CAPN2: variants seen among roughly 807,000 people sequenced by gnomAD.
CAPN2 encodes calpain 2.
In CAPN2, 92 loss-of-function variants were observed where a neutral mutation model predicts 102.3. That is an observed-to-expected ratio of 0.90 (90% CI 0.76 to 1.07). The LOEUF (loss-of-function observed/expected upper bound fraction) is 1.07. CAPN2 is among the 50% of genes least tolerant of loss of function. The pLI is 0.00. For missense variants in CAPN2, 800 were observed against 909.4 expected (o/e 0.88, Z 1.55); for synonymous variants, 340 against 355.4 (o/e 0.96, Z 0.49).
At position 223,754,839 on chromosome 1, in the gene CAPN2, G is replaced by T. The variant is rs1374608174; in HGVS notation, c.1136-641G>T. On this transcript the variant is annotated intron_variant, in intron 9 of 20. Coordinates refer to ENST00000295006, the MANE Select transcript of CAPN2 (RefSeq NM_001748.5). The surrounding 1 kb of genome is among the most constrained non-coding windows in gnomAD (Gnocchi z 4.7). ...GGGCGGCGACCGGCAAGTGCAGGGA[G>T]CAGATCCCGGAGTCCCCCAGGCCAG... is the stretch of plus-strand genomic sequence containing the variant. Among the ~76,000 whole-genome samples the T allele has an allele frequency of 6.6e-6, 1 of 152,062 alleles. No homozygotes were observed. The highest frequency in any genetic ancestry group is 2.4e-5 in the African/African-American group (1 of 41,392).
upstream of CAPN2, among the ~76,000 whole-genome samples, chr1:223,710,665 A>C (rs1659707703): frequency 6.6e-6 from 1 of 152,204 alleles, no homozygotes; most frequent in South Asian, 2.1e-4. Flanking sequence ...TAAAAGCTTC[A>C]TCTATGTGAT....
chr1:223,757,136 A>T (rs1270248748), intron 10 of CAPN2, among the ~76,000 whole-genome samples: 1 of 152,154 alleles, frequency 6.6e-6, no homozygotes, highest in East Asian at 1.9e-4. Flanking sequence ...TCACATCTCC[A>T]TGCCTGAGAT....
rs34048635 is a variant in CAPN2, at chr1:223,707,242, C to CTG, written c.3+5412_3+5413insGT. Among the ~76,000 whole-genome samples, 24 of 151,520 alleles carry CTG rather than the reference C, an allele frequency of 1.6e-4. No homozygotes were observed. The South Asian group carries it at 1.9e-3, about 12-fold the overall frequency. On this transcript the variant is annotated intron_variant, in intron 1 of 20. Transcript: ENST00000433674. ...ACATTCTTATTCTCTTATTTTCTCT[C>CTG]TCTCTCTCTCTTCTTCTCTCTCTCT...
In CAPN2 at chr1:223,752,706, TG is replaced by T. The variant is rs924460966; in HGVS notation, c.975-87del. On this transcript the variant is annotated intron_variant, in intron 8 of 20. Coordinates refer to ENST00000295006, the MANE Select transcript of CAPN2 (RefSeq NM_001748.5). Reference sequence around the variant, plus strand: ...TCTAATGAGCTGCTCTGCCTGGCTTTGGGTGGCTCCTGGTCTGGTGTTGGTG... The same window carrying T: ...TCTAATGAGCTGCTCTGCCTGGCTTTGGTGGCTCCTGGTCTGGTGTTGGTG... The T allele has an allele frequency of 2.4e-5, 31 of 1,282,926 alleles. No individual in the cohort carries two copies. The Admixed American group carries it at 5.2e-4, about 21-fold the overall frequency. The allele number at this position is 1,282,926 out of a possible 1,614,324, so 79.5% of individuals were successfully genotyped here.
At chr1:223,761,892 A>C (rs1030131841) in intron 13 of CAPN2, among the ~76,000 whole-genome samples, 6 of 152,250 alleles carry the variant, frequency 3.9e-5, no homozygotes, top group African/African-American at 1.2e-4. Flanking sequence ...TCCCCACTAG[A>C]ATAGATCCTA....
At chr1:223,703,461 G>C (rs182001801) in intron 1 of CAPN2, among the ~76,000 whole-genome samples, 3 of 152,236 alleles carry the variant, frequency 2.0e-5, no homozygotes, top group Admixed American at 2.0e-4. Flanking sequence ...TTCTCTCCAG[G>C]CTGCTCCAGC....
At chr1:223,766,325 C>G in intron 15 of CAPN2, 42 bp from the exon 16 acceptor site, 1 of 1,475,164 alleles carries the variant, frequency 6.8e-7, no homozygotes, top group Non-Finnish European at 9.5e-7. Flanking sequence ...TTGGACATCA[C>G]CGCTCAGAGA....
At position 223,772,184 on chromosome 1, in the gene CAPN2, T is replaced by A; in HGVS notation, c.2024T>A (p.Ile675Lys). 1.2e-6 allele frequency: 2 copies of A among 1,614,088 alleles called. No homozygotes were observed. Among genetic ancestry groups the A allele is most frequent in the Non-Finnish European group, 1.7e-6 (2 of 1,179,940 alleles). The change falls in exon 20 of 21, where the codon ATA (isoleucine) becomes AAA (lysine). Residue 675 changes from isoleucine (I) to lysine (K), a missense_variant. Physicochemically the swap from Ile to Lys is moderately radical, Grantham distance 102. Coordinates refer to ENST00000295006, the MANE Select transcript of CAPN2 (RefSeq NM_001748.5). The part of the protein sequence containing the change: ...CLVRLETLFK[I>K]FKQLDPENTG... Reference sequence around the variant, plus strand: ...CCCTCTTTTTCTCCCTCCACAGAGATATTTAAGCAGCTGGATCCCGAGAAT... The same window carrying A: ...CCCTCTTTTTCTCCCTCCACAGAGAAATTTAAGCAGCTGGATCCCGAGAAT...
At chr1:223,712,456 C>G, upstream of CAPN2, 1 of 1,134,676 alleles carries the variant, frequency 8.8e-7, no homozygotes, top group East Asian at 4.7e-5. Context: ...GGGAGCCCAG[C>G]AGGCCGGGAG....
intron 2 of CAPN2, among the ~76,000 whole-genome samples, chr1:223,742,518 ATTTT>A (rs199697766): frequency 0.016 from 1,799 of 114,260 alleles, 22 homozygotes; most frequent in African/African-American, 0.057. Context: ...ATATATATAT[ATTTT>A]TTTTTTTTTT....
intron 1 of CAPN2, among the ~76,000 whole-genome samples, chr1:223,717,280 G>T (rs143285759): frequency 2.0e-5 from 3 of 152,178 alleles, no homozygotes; most frequent in Non-Finnish European, 4.4e-5. Flanking sequence ...ACGACTTCAC[G>T]GAGGAGGTGA....
At chr1:223,708,198 C>T (rs181454472), upstream of CAPN2, among the ~76,000 whole-genome samples, 1 of 152,252 alleles carries the variant, frequency 6.6e-6, no homozygotes, top group Admixed American at 6.5e-5. Flanking sequence ...ACCTGTGTCC[C>T]CGCCTTATTC....
Position 223,759,178 on chromosome 1 carries a change from C to G in CAPN2, c.1318-92C>G, listed in dbSNP as rs1363665268. On this transcript the variant is annotated intron_variant, in intron 11 of 20. Transcript: ENST00000295006. The surrounding 1 kb of genome is among the most constrained non-coding windows in gnomAD (Gnocchi z 4.6). ...AGGACAGCAGGACTGAGCCACCACA[C>G]TACCCAACTGCTTTTATCTCAGTGA... is the stretch of plus-strand genomic sequence containing the variant. The G allele has an allele frequency of 2.4e-6, 3 of 1,232,924 alleles. No homozygotes were observed. The highest frequency in any genetic ancestry group is 3.5e-6 in the Non-Finnish European group (3 of 846,624). 76.4% of individuals were successfully genotyped at this position (1,232,924 alleles called of 1,614,324 possible).
At chr1:223,729,810 C>T (rs1660287707) in intron 2 of CAPN2, among the ~76,000 whole-genome samples, 1 of 152,048 alleles carries the variant, frequency 6.6e-6, no homozygotes. Context: ...CGAGCCTGGC[C>T]TGGCCAACAT....
intron 20 of CAPN2, chr1:223,773,231 T>C (rs1332208521): frequency 1.3e-5 from 2 of 152,200 alleles, no homozygotes; most frequent in Non-Finnish European, 2.9e-5. Context: ...TACCCCTAGA[T>C]TGCAATGTAG....
intron 1 of CAPN2, among the ~76,000 whole-genome samples, chr1:223,714,327 A>G (rs1227469251): frequency 1.3e-5 from 2 of 152,104 alleles, no homozygotes; most frequent in Admixed American, 6.5e-5. Context: ...TCATTCATTC[A>G]TTTACTCACT....
intron 1 of CAPN2, among the ~76,000 whole-genome samples, chr1:223,705,504 G>T (rs545304663): frequency 2.0e-5 from 3 of 152,298 alleles, no homozygotes; most frequent in African/African-American, 7.2e-5. Flanking sequence ...AAAATAAAAT[G>T]TGGATGGTAG....
At chr1:223,710,127 T>A (rs983537505), upstream of CAPN2, among the ~76,000 whole-genome samples, 3 of 151,784 alleles carry the variant, frequency 2.0e-5, no homozygotes, top group East Asian at 5.8e-4. Flanking sequence ...ATATAGAAAA[T>A]TAGCCAGATG....
chr1:223,762,155 T>C (rs1661204339), intron 13 of CAPN2, 31 bp from the exon 14 acceptor site: 2 of 1,594,632 alleles, frequency 1.3e-6, no homozygotes, highest in Admixed American at 3.3e-5. Context: ...CTCGCTCTGA[T>C]GCATTCTCAT....
Sources: gnomAD v4.1 joint callset for allele counts (sites outside exome capture counted in the v4.1 genomes callset) on GRCh38, gnomAD v4.1.1 for gene constraint, Gnocchi (gnomAD v3.1) non-coding constraint, MANE v1.5 for transcripts, NCBI Gene and HGNC (gene_info 2026-07-23, HGNC 2026-07-21) for gene names.